The following ZNF385D variants were observed in gnomAD, a reference collection of about 807,000 sequenced individuals.
ZNF385D encodes the protein zinc finger protein 385D, also known as zinc finger protein 659.
In ZNF385D, 15 loss-of-function variants were observed where a neutral mutation model predicts 35.8. The observed-to-expected ratio is 0.42, with a 90% confidence interval of 0.28 to 0.64. The LOEUF (loss-of-function observed/expected upper bound fraction) is 0.64. ZNF385D is among the 30% of genes least tolerant of loss of function. The pLI is 0.23. For missense variants in ZNF385D, 474 were observed against 494.6 expected (o/e 0.96, Z 0.39); for synonymous variants, 212 against 186.8 (o/e 1.13, Z -1.10).
At chr3:21,945,175 G>T (rs866779576) in intron 3 of ZNF385D, among the ~76,000 whole-genome samples, 47 of 91,138 alleles carry the variant, frequency 5.2e-4, no homozygotes, top group African/African-American at 2.0e-3. Context: ...TATATATATA[G>T]TGAGAGAGAG....
chr3:21,980,461 T>G (rs917858864), intron 3 of ZNF385D, among the ~76,000 whole-genome samples: 35 of 152,138 alleles, frequency 2.3e-4, no homozygotes, highest in Middle Eastern at 3.2e-3. Context: ...AGCATTGAAG[T>G]GAAAAACAGT....
intron 3 of ZNF385D, among the ~76,000 whole-genome samples, chr3:21,541,344 T>G (rs1464835343): frequency 6.6e-6 from 1 of 152,216 alleles, no homozygotes; most frequent in East Asian, 1.9e-4. Flanking sequence ...CTGTACCTTC[T>G]GCTTAATACT....
At position 21,476,902 on chromosome 3, in the gene ZNF385D, ACCCCT is replaced by A. The variant is rs530895512; in HGVS notation, c.439+33954_439+33958del. ...TGCAGAGAGTCTCATCGGTATCCAT[ACCCCT>A]CTCTGTGTTTTCATCACTGGAGGAG... On this transcript the variant is annotated intron_variant, in intron 4 of 7. Transcript: ENST00000281523. 1.0e-3 allele frequency among the ~76,000 whole-genome samples: 155 copies of A among 152,152 alleles called. 1 individual carries two copies. The highest frequency in any genetic ancestry group is 3.5e-3 in the African/African-American group (146 of 41,514).
At chr3:22,156,393 C>T (rs1705582563) in intron 3 of ZNF385D, among the ~76,000 whole-genome samples, 1 of 152,066 alleles carries the variant, frequency 6.6e-6, no homozygotes, top group African/African-American at 2.4e-5. Flanking sequence ...AGCCCCCCTG[C>T]CCCTGCACAG....
intron 3 of ZNF385D, among the ~76,000 whole-genome samples, chr3:21,559,645 T>G (rs1016571363): frequency 6.6e-6 from 1 of 152,152 alleles, no homozygotes; most frequent in Non-Finnish European, 1.5e-5. Flanking sequence ...GTCTTGGGGT[T>G]GCTCTTCTCA....
intron 3 of ZNF385D, among the ~76,000 whole-genome samples, chr3:22,027,782 T>C (rs540328287): frequency 6.6e-6 from 1 of 152,220 alleles, no homozygotes; most frequent in East Asian, 1.9e-4. Flanking sequence ...ATGCCCATGG[T>C]CTCCACTCCT....
At chr3:22,299,005 T>C (rs559775324) in intron 2 of ZNF385D, among the ~76,000 whole-genome samples, 2 of 152,082 alleles carry the variant, frequency 1.3e-5, no homozygotes, top group Admixed American at 1.3e-4. Context: ...GAGGTCCTTT[T>C]ATGATTACAA....
At chr3:22,029,335 A>G (rs1397484735) in intron 3 of ZNF385D, among the ~76,000 whole-genome samples, 6 of 152,184 alleles carry the variant, frequency 3.9e-5, no homozygotes, top group Non-Finnish European at 1.5e-5. Flanking sequence ...TCATAGTATG[A>G]CCATGCCCTG....
chr3:21,651,205 G>A (rs1158717693), intron 2 of ZNF385D, among the ~76,000 whole-genome samples: 4 of 149,760 alleles, frequency 2.7e-5, no homozygotes, highest in African/African-American at 7.4e-5. Context: ...GGAGAATGGC[G>A]TGAACCTGGG....
At chr3:21,938,389 G>T (rs1013298358) in intron 3 of ZNF385D, among the ~76,000 whole-genome samples, 2 of 152,156 alleles carry the variant, frequency 1.3e-5, no homozygotes, top group African/African-American at 4.8e-5. Flanking sequence ...TAATTGGGCT[G>T]CAAGTGCTGA....
chr3:21,515,052 CTT>C (rs1707469085), intron 3 of ZNF385D, among the ~76,000 whole-genome samples: 1 of 152,066 alleles, frequency 6.6e-6, no homozygotes, highest in Admixed American at 6.6e-5. Flanking sequence ...TAGTCAGCCA[CTT>C]TTCAATCTTC....
chr3:21,825,461 T>C (rs1375396799), intron 3 of ZNF385D, among the ~76,000 whole-genome samples: 1 of 151,966 alleles, frequency 6.6e-6, no homozygotes, highest in East Asian at 1.9e-4. Flanking sequence ...TTGGCTTAAA[T>C]ATTTTATGTT....
intron 2 of ZNF385D, among the ~76,000 whole-genome samples, chr3:22,173,397 T>C (rs1042684050): frequency 7.9e-5 from 12 of 152,096 alleles, no homozygotes; most frequent in East Asian, 3.9e-4. Context: ...ATAGAGAAAA[T>C]TGGATGGGAG....
At chr3:21,997,188 G>A (rs1420426888) in intron 3 of ZNF385D, among the ~76,000 whole-genome samples, 1 of 152,144 alleles carries the variant, frequency 6.6e-6, no homozygotes, top group Admixed American at 6.5e-5. Flanking sequence ...GTGAGTTCAT[G>A]CCCTTTGTAG....
chr3:22,104,378 T>A (rs901191181), intron 3 of ZNF385D, among the ~76,000 whole-genome samples: 3 of 152,176 alleles, frequency 2.0e-5, no homozygotes, highest in African/African-American at 7.2e-5. Flanking sequence ...ACTTTGTTGA[T>A]TCTTGTCACA....
intron 3 of ZNF385D, among the ~76,000 whole-genome samples, chr3:22,064,934 G>A (rs374099263): frequency 2.0e-5 from 3 of 152,160 alleles, no homozygotes; most frequent in African/African-American, 4.8e-5. Context: ...TAAAGCTAAT[G>A]TATCAGTAGC....
At chr3:22,372,310 A>G (rs1696947560) in intron 2 of ZNF385D, 1 of 313,864 alleles carries the variant, frequency 3.2e-6, no homozygotes, top group African/African-American at 2.3e-5. Flanking sequence ...GGGCGGTGCG[A>G]ACGCCCATTC....
At chr3:22,010,198 C>T (rs1576145915) in intron 3 of ZNF385D, among the ~76,000 whole-genome samples, 1 of 152,036 alleles carries the variant, frequency 6.6e-6, no homozygotes. Flanking sequence ...GCTTGGATGA[C>T]GAAACAGGAT....
chr3:22,137,940 T>C (rs1371437715), intron 3 of ZNF385D, among the ~76,000 whole-genome samples: 1 of 152,044 alleles, frequency 6.6e-6, no homozygotes, highest in African/African-American at 2.4e-5. Context: ...CAGCCCAAAA[T>C]CTCCTTAAGC....
Sources: gnomAD v4.1 joint callset for allele counts (sites outside exome capture counted in the v4.1 genomes callset) on GRCh38, gnomAD v4.1.1 for gene constraint, MANE v1.5 for transcripts, NCBI Gene and HGNC (gene_info 2026-07-23, HGNC 2026-07-21) for gene names.